The following WDR45 variants were observed in gnomAD, a reference collection of about 807,000 sequenced individuals.
WDR45 encodes the protein WD repeat domain phosphoinositide-interacting protein 4.
Under a neutral mutation model 27.3 loss-of-function variants are expected in WDR45, and 2 were observed. The observed-to-expected ratio is 0.07, with a 90% CI of 0.03 to 0.23. The LOEUF (loss-of-function observed/expected upper bound fraction) is 0.23. Among genes scored for constraint, WDR45 ranks in the 10% least tolerant of loss-of-function variants. The pLI, the probability that WDR45 is intolerant of heterozygous loss-of-function variation, is 1.00. For missense variants in WDR45, 175 were observed against 311.9 expected (o/e 0.56, Z 3.31); for synonymous variants, 99 against 119.2 (o/e 0.83, Z 1.11).
intron 2 of WDR45, among the ~76,000 whole-genome samples, chrX:49,089,344 A>G (rs782390553): frequency 9.0e-6 from 1 of 110,727 alleles, no homozygotes; most frequent in Non-Finnish European, 1.9e-5. Context: ...AAAAGAAGAA[A>G]AAAACCGGTA....
In WDR45 at chrX:49,075,446, A is replaced by C. The variant is rs1557083992; in HGVS notation, c.745T>G (p.Ser249Ala). The C allele has an allele frequency of 1.7e-6, 2 of 1,209,988 alleles. No individual in the cohort carries two copies. The highest frequency in any genetic ancestry group is 2.2e-6 in the Non-Finnish European group (2 of 894,600). The change falls in exon 9 of 11, where the codon TCC becomes GCC. Residue 249 changes from serine to alanine, a missense_variant. Transcript: ENST00000376372. Reference sequence around the variant, plus strand: ...TCACTGGAAGCGCAGAGGAAGGAGGAGTCGTGGCTGAAGTTAATGCTAGAA... The same window carrying C: ...TCACTGGAAGCGCAGAGGAAGGAGGCGTCGTGGCTGAAGTTAATGCTAGAA... ...TLYCINFSHD[S>A]SFLCASSDKG...
At chrX:49,077,773 G>C in intron 3 of WDR45, 26 bp from the exon 4 acceptor site, 1 of 1,201,910 alleles carries the variant, frequency 8.3e-7, no homozygotes, top group Non-Finnish European at 1.1e-6. Context: ...GGTGTCAGTG[G>C]AGGTGGGAGC....
intron 10 of WDR45, 22 bp downstream of exon 10, chrX:49,075,114 C>A: frequency 8.3e-7 from 1 of 1,207,770 alleles, no homozygotes; most frequent in Non-Finnish European, 1.1e-6. Flanking sequence ...GTACCCCCAA[C>A]CAAGGGGCTG....
At chrX:49,082,305 TCTTTTTAACTCATC>T (rs1326100325), upstream of WDR45, 1 of 111,563 alleles carries the variant, frequency 9.0e-6, no homozygotes, top group East Asian at 2.8e-4. Flanking sequence ...TATAAGAACA[TCTTTTTAACTCATC>T]CTTTTTAACT....
At chrX:49,075,499 CAT>C in intron 8 of WDR45, 34 bp from the exon 9 acceptor site, 2 of 1,210,822 alleles carry the variant, frequency 1.7e-6, no homozygotes, top group South Asian at 3.5e-5. Flanking sequence ...GCCCACATGT[CAT>C]GTGGTATGGG....
chrX:49,089,869 ATAT>A (rs1451876978), intron 2 of WDR45, among the ~76,000 whole-genome samples: 1 of 110,053 alleles, frequency 9.1e-6, no homozygotes, highest in Non-Finnish European at 1.9e-5. Context: ...AACCTTGAAA[ATAT>A]TATGCTATAT....
intron 2 of WDR45, among the ~76,000 whole-genome samples, chrX:49,096,968 G>T (rs2065127620): frequency 9.0e-6 from 1 of 111,547 alleles, no homozygotes; most frequent in Non-Finnish European, 1.9e-5. Context: ...TCCATCTCTT[G>T]ACCTCGTGAT....
chrX:49,087,030 G>C (rs2065088476), intron 2 of WDR45, among the ~76,000 whole-genome samples: 1 of 108,972 alleles, frequency 9.2e-6, no homozygotes, highest in African/African-American at 3.3e-5. Context: ...TCAGTATACT[G>C]TTTTTGTTTT....
intron 2 of WDR45, among the ~76,000 whole-genome samples, chrX:49,091,381 C>T (rs782683941): frequency 9.0e-6 from 1 of 111,319 alleles, no homozygotes; most frequent in African/African-American, 3.3e-5. Flanking sequence ...GTGGAGGTTG[C>T]AGTGAGCCGA....
At chrX:49,088,227 A>G (rs1466318484) in intron 2 of WDR45, among the ~76,000 whole-genome samples, 5 of 111,121 alleles carry the variant, frequency 4.5e-5, no homozygotes, top group African/African-American at 1.6e-4. Context: ...AATGTGGTGA[A>G]ATCCTGTCTC....
At chrX:49,095,539 C>A (rs1379578187) in intron 2 of WDR45, among the ~76,000 whole-genome samples, 2 of 109,635 alleles carry the variant, frequency 1.8e-5, no homozygotes, top group Non-Finnish European at 3.8e-5. Flanking sequence ...CGGCTCACTG[C>A]AACTTCTTCC....
At chrX:49,084,469 T>C (rs906958314), upstream of WDR45, among the ~76,000 whole-genome samples, 1 of 109,165 alleles carries the variant, frequency 9.2e-6, no homozygotes, top group Non-Finnish European at 1.9e-5. Flanking sequence ...GGTGGGAGGA[T>C]TCCTTGAGGC....
At chrX:49,098,355 A>C (rs782057517) in intron 2 of WDR45, among the ~76,000 whole-genome samples, 2 of 109,368 alleles carry the variant, frequency 1.8e-5, no homozygotes, top group Admixed American at 9.9e-5. Context: ...ATTAGCCAGG[A>C]GTGGTGGCGA....
chrX:49,083,096 T>G (rs1251946003), upstream of WDR45, among the ~76,000 whole-genome samples: 1 of 111,048 alleles, frequency 9.0e-6, no homozygotes, highest in East Asian at 2.8e-4. Flanking sequence ...GTCAGGCTGG[T>G]CTCGAACTCC....
intron 8 of WDR45, 24 bp from the exon 9 acceptor site, chrX:49,075,489 G>A (rs1557084007): frequency 1.7e-6 from 2 of 1,209,084 alleles, no homozygotes; most frequent in Non-Finnish European, 2.2e-6. Flanking sequence ...CAGCAGTGAT[G>A]CCCACATGTC....
At chrX:49,096,793 C>T (rs1557087363) in intron 2 of WDR45, among the ~76,000 whole-genome samples, 2 of 111,368 alleles carry the variant, frequency 1.8e-5, no homozygotes, top group Admixed American at 9.6e-5. Context: ...TTCGCTCTGT[C>T]GCCAGGCTGG....
intron 2 of WDR45, among the ~76,000 whole-genome samples, chrX:49,096,914 C>G (rs1447145994): frequency 1.8e-5 from 2 of 111,734 alleles, no homozygotes; most frequent in African/African-American, 3.2e-5. Flanking sequence ...CCACCATGCT[C>G]GGCTAATAAG....
At chrX:49,095,004 T>C (rs1602551323) in intron 2 of WDR45, among the ~76,000 whole-genome samples, 1 of 108,528 alleles carries the variant, frequency 9.2e-6, no homozygotes, top group Admixed American at 9.9e-5. Flanking sequence ...GTCAGGCTGG[T>C]CTCAAACTCC....
upstream of WDR45, among the ~76,000 whole-genome samples, chrX:49,084,478 G>A (rs2065080084): frequency 9.1e-6 from 1 of 109,497 alleles, no homozygotes; most frequent in Non-Finnish European, 1.9e-5. Flanking sequence ...ATTCCTTGAG[G>A]CTAGGAGTTT....
Sources: allele counts gnomAD v4.1 joint callset (sites outside exome capture counted in the v4.1 genomes callset), GRCh38; gene constraint gnomAD v4.1.1; transcripts MANE v1.5; gene names NCBI Gene and HGNC (gene_info 2026-07-23, HGNC 2026-07-21).